ALDH1A1: variants seen among roughly 807,000 people sequenced by gnomAD.
ALDH1A1 encodes aldehyde dehydrogenase 1 family member A1, also known as aldehyde dehydrogenase 1A1.
In ALDH1A1, 19 loss-of-function variants were observed where a neutral mutation model predicts 62.1. The observed-to-expected ratio is 0.31, with a 90% CI of 0.21 to 0.45. ALDH1A1 has a LOEUF of 0.45. Ranked by LOEUF, ALDH1A1 falls within the 20% of genes least tolerant of loss-of-function variation. The pLI is 1.00. For synonymous variants in ALDH1A1, 231 were observed against 215.9 expected (o/e 1.07, Z -0.61); for missense variants, 521 against 607.1 (o/e 0.86, Z 1.49).
intron 1 of ALDH1A1, among the ~76,000 whole-genome samples, chr9:72,952,064 C>A (rs537107599): frequency 6.6e-6 from 1 of 152,086 alleles, no homozygotes; most frequent in South Asian, 2.1e-4. Flanking sequence ...ATTCAGACAG[C>A]AAAATGGCTC....
chr9:72,945,779 A>T (rs921690054), intron 1 of ALDH1A1, among the ~76,000 whole-genome samples: 1 of 152,010 alleles, frequency 6.6e-6, no homozygotes, highest in Non-Finnish European at 1.5e-5. Flanking sequence ...GGAAAGCAAA[A>T]TGTTGAGACT....
intron 12 of ALDH1A1, among the ~76,000 whole-genome samples, chr9:72,902,385 T>C (rs1187157534): frequency 2.0e-5 from 3 of 152,028 alleles, no homozygotes; most frequent in Admixed American, 1.3e-4. Flanking sequence ...TCCCTTCTTG[T>C]GATGTAGACA....
intron 1 of ALDH1A1, among the ~76,000 whole-genome samples, chr9:72,943,765 T>C (rs1313436938): frequency 6.6e-6 from 1 of 152,110 alleles, no homozygotes; most frequent in Non-Finnish European, 1.5e-5. Context: ...GAGTTAGCCA[T>C]GGCCTCTGCT....
Position 72,931,153 on chromosome 9 carries a change from CAT to C in ALDH1A1, c.172-136_172-135del. On this transcript the variant is annotated intron_variant, in intron 2 of 12. Transcript: ENST00000297785. ...GTCTCCATTATCCCAAAGTCTAACACATTGCGCACATTCAACTACTGTATGTT... is the reference window on the plus strand; with the variant it reads ...GTCTCCATTATCCCAAAGTCTAACACTGCGCACATTCAACTACTGTATGTT... The C allele has an allele frequency of 2.1e-5, 18 of 874,184 alleles. No individual in the cohort carries two copies. In the South Asian group the frequency reaches 3.2e-4, roughly 16 times the overall value. The allele number at this position is 874,184 out of a possible 1,614,324, so 54.2% of individuals were successfully genotyped here.
intron 11 of ALDH1A1, among the ~76,000 whole-genome samples, chr9:72,909,189 T>G (rs1416198708): frequency 8.5e-6 from 1 of 117,648 alleles, no homozygotes; most frequent in African/African-American, 2.8e-5. Flanking sequence ...GAGACGGAGT[T>G]TTGCTCTTGT....
intron 2 of ALDH1A1, among the ~76,000 whole-genome samples, chr9:72,935,582 T>C (rs549905390): frequency 2.0e-5 from 3 of 152,294 alleles, no homozygotes; most frequent in Admixed American, 6.5e-5. Flanking sequence ...TCCCCACCAA[T>C]TATTTGTTAG....
chr9:72,916,889 GA>G, intron 9 of ALDH1A1, 30 bp downstream of exon 9: 1 of 1,516,218 alleles, frequency 6.6e-7, no homozygotes, highest in Non-Finnish European at 8.9e-7. Context: ...CCTGTGCCCT[GA>G]AAATGCTATC....
intron 2 of ALDH1A1, among the ~76,000 whole-genome samples, chr9:72,937,132 G>A (rs924239742): frequency 1.3e-5 from 2 of 152,078 alleles, no homozygotes; most frequent in Non-Finnish European, 1.5e-5. Flanking sequence ...AATGTGGAAT[G>A]TATGGAAATT....
Position 72,927,096 on chromosome 9 carries a change from T to G in ALDH1A1, c.504+20A>C. ...AACTCTTCTTTTTAAAATTGAGAAT[T>G]ATATAGGAGAAAAGCTTACAGGAAT... On this transcript the variant is annotated intron_variant, in intron 5 of 12. Transcript: ENST00000297785. The G allele has an allele frequency of 6.4e-7, 1 of 1,561,604 alleles. No individual in the cohort carries two copies. Among genetic ancestry groups the G allele is most frequent in the African/African-American group, 1.4e-5 (1 of 72,970 alleles).
chr9:72,927,680 T>A (rs1830229009), intron 4 of ALDH1A1, among the ~76,000 whole-genome samples: 1 of 152,166 alleles, frequency 6.6e-6, no homozygotes, highest in South Asian at 2.1e-4. Context: ...TTAAAAGTTA[T>A]AATATAATTT....
chr9:72,928,222 C>G (rs550146178), intron 4 of ALDH1A1, among the ~76,000 whole-genome samples: 174 of 151,864 alleles, frequency 1.1e-3, no homozygotes, highest in African/African-American at 4.1e-3. Context: ...TTAAATTCCA[C>G]CCATACTGTT....
intron 1 of ALDH1A1, among the ~76,000 whole-genome samples, chr9:72,951,559 G>A (rs908426802): frequency 2.6e-5 from 4 of 151,540 alleles, no homozygotes; most frequent in East Asian, 1.9e-4. Flanking sequence ...GAGCATTGTC[G>A]ACAATTTTGA....
chr9:72,927,637 T>C (rs2118537729), intron 4 of ALDH1A1, among the ~76,000 whole-genome samples: 1 of 152,356 alleles, frequency 6.6e-6, no homozygotes, highest in Non-Finnish European at 1.5e-5. Flanking sequence ...TTGTTTCTGG[T>C]AGCTCAAAGT....
At chr9:72,936,970 C>T (rs1830353910) in intron 2 of ALDH1A1, among the ~76,000 whole-genome samples, 5 of 152,108 alleles carry the variant, frequency 3.3e-5, no homozygotes, top group Admixed American at 3.3e-4. Flanking sequence ...TTTCAGGTCC[C>T]ATTCTAAGAT....
intron 10 of ALDH1A1, 113 bp from the exon 11 acceptor site, chr9:72,909,872 C>T: frequency 1.1e-6 from 1 of 888,772 alleles, no homozygotes; most frequent in Non-Finnish European, 1.6e-6. Context: ...GATTTTGCTT[C>T]TCATCTCAAA....
At chr9:72,946,903 T>C (rs1830482625) in intron 1 of ALDH1A1, among the ~76,000 whole-genome samples, 3 of 152,044 alleles carry the variant, frequency 2.0e-5, no homozygotes, top group Non-Finnish European at 2.9e-5. Flanking sequence ...TTTGGGTTGG[T>C]CTTCAAATGA....
chr9:72,919,532 C>T (rs1830110553), intron 7 of ALDH1A1, among the ~76,000 whole-genome samples: 1 of 152,180 alleles, frequency 6.6e-6, no homozygotes, highest in African/African-American at 2.4e-5. Flanking sequence ...CCCAAAAAAC[C>T]TCATGAAGTC....
At chr9:72,946,692 A>G (rs1830479224) in intron 1 of ALDH1A1, among the ~76,000 whole-genome samples, 1 of 151,942 alleles carries the variant, frequency 6.6e-6, no homozygotes, top group Non-Finnish European at 1.5e-5. Flanking sequence ...AACATATAAT[A>G]TATCCCCTGG....
At chr9:72,918,940 C>T (rs963902528) in intron 7 of ALDH1A1, 118 bp from the exon 8 acceptor site, 2 of 676,982 alleles carry the variant, frequency 3.0e-6, no homozygotes, top group Non-Finnish European at 2.4e-6. Context: ...GGGAGAAACA[C>T]CAAATGGCTT....
Sources: gnomAD v4.1 joint callset for allele counts (sites outside exome capture counted in the v4.1 genomes callset) on GRCh38, gnomAD v4.1.1 for gene constraint, MANE v1.5 for transcripts, NCBI Gene and HGNC (gene_info 2026-07-23, HGNC 2026-07-21) for gene names.